KSR1: variants seen among roughly 807,000 people sequenced by gnomAD.
KSR1 encodes kinase suppressor of ras.
KSR1 carries 35 observed loss-of-function variants against 92.9 expected under a neutral mutation model. The ratio of observed to expected loss-of-function variants is 0.38; its 90% CI spans 0.29 to 0.50. The LOEUF (loss-of-function observed/expected upper bound fraction) is 0.50, where lower values mean the gene tolerates loss of function less well. Ranked by LOEUF, KSR1 falls within the 20% of genes least tolerant of loss-of-function variation. KSR1 has a pLI of 0.94. For synonymous variants in KSR1, 467 were observed against 472.6 expected (o/e 0.99, Z 0.15); for missense variants, 972 against 1,158.5 (o/e 0.84, Z 2.34).
At chr17:27,532,356 C>T (rs1446945508) in intron 1 of KSR1, among the ~76,000 whole-genome samples, 3 of 152,152 alleles carry the variant, frequency 2.0e-5, no homozygotes, top group Non-Finnish European at 2.9e-5. Flanking sequence ...GGGAACAGGC[C>T]GTGGGAGAAC....
At chr17:27,500,069 T>C (rs2150978710) in intron 1 of KSR1, among the ~76,000 whole-genome samples, 1 of 152,326 alleles carries the variant, frequency 6.6e-6, no homozygotes. Context: ...CGTTCTGCGT[T>C]ATGGCATCAC....
Position 27,577,587 on chromosome 17 carries a change from G to A in KSR1, c.468G>A (p.Glu156=). Residue 156 remains glutamate (E), a synonymous_variant, in exon 3 of 21, where the codon GAG becomes GAA. Transcript: ENST00000644974. The surrounding 1 kb of genome is among the most constrained non-coding windows in gnomAD (Gnocchi z 4.5). The part of the protein sequence containing the change: ...TLRRCGASGD[E]CGRLQYALTC... ...GGCGCTGTGGGGCCAGCGGGGATGA[G>A]TGTGGCCGTCTGCAGTATGCCCTCA... 1 of 1,602,438 alleles carries A rather than the reference G, an allele frequency of 6.2e-7. No homozygotes were observed. The highest frequency in any genetic ancestry group is 8.5e-7 in the Non-Finnish European group (1 of 1,177,898).
At chr17:27,591,178 C>G (rs1416670716) in intron 7 of KSR1, among the ~76,000 whole-genome samples, 4 of 152,180 alleles carry the variant, frequency 2.6e-5, no homozygotes, top group South Asian at 2.1e-4. Context: ...GTTCTGGGAC[C>G]TGTAAGGAGT....
chr17:27,597,805 A>G (rs1284851485), intron 10 of KSR1, among the ~76,000 whole-genome samples: 2 of 152,164 alleles, frequency 1.3e-5, no homozygotes, highest in Non-Finnish European at 2.9e-5. Flanking sequence ...CCCAGGAGGC[A>G]TGGCCAGCAA....
intron 1 of KSR1, among the ~76,000 whole-genome samples, chr17:27,476,771 T>A (rs2068360469): frequency 6.7e-6 from 1 of 148,998 alleles, no homozygotes; most frequent in Admixed American, 6.9e-5. Context: ...GTCTATGTTC[T>A]GGGCTCTCAG....
chr17:27,623,478 A>G lies in KSR1; in HGVS notation c.*86A>G. On this transcript the variant is annotated 3_prime_UTR_variant, in exon 21 of 21. Transcript: ENST00000644974. ...CCAACAACCACCACGACAAAAAAACACTGCCTGCCCAGCGCTGCAAACCAG... is the reference window on the plus strand; with the variant it reads ...CCAACAACCACCACGACAAAAAAACGCTGCCTGCCCAGCGCTGCAAACCAG... 1 of 704,962 alleles carries G rather than the reference A, an allele frequency of 1.4e-6. No homozygotes were observed. The highest frequency in any genetic ancestry group is 2.6e-6 in the Non-Finnish European group (1 of 386,246). 43.7% of individuals were successfully genotyped at this position (704,962 alleles called of 1,614,324 possible).
chr17:27,544,217 G>C (rs138865558), intron 1 of KSR1, among the ~76,000 whole-genome samples: 177 of 152,316 alleles, frequency 1.2e-3, no homozygotes, highest in African/African-American at 3.2e-3. Flanking sequence ...GTGGTGTCAA[G>C]GGACTTTAGG....
chr17:27,516,890 A>T (rs1327423774), intron 1 of KSR1, among the ~76,000 whole-genome samples: 1 of 152,210 alleles, frequency 6.6e-6, no homozygotes, highest in Non-Finnish European at 1.5e-5. Flanking sequence ...TAAAACAGAG[A>T]TCTTAATACA....
chr17:27,592,704 T>G, intron 9 of KSR1, 78 bp downstream of exon 9: 1 of 1,229,522 alleles, frequency 8.1e-7, no homozygotes, highest in Non-Finnish European at 1.1e-6. Flanking sequence ...CCTCAGAGGC[T>G]CAGTGGGGAA....
intron 18 of KSR1, 37 bp downstream of exon 18, chr17:27,611,666 G>T (rs2073921081): frequency 3.1e-6 from 5 of 1,612,228 alleles, no homozygotes; most frequent in Non-Finnish European, 4.2e-6. Flanking sequence ...CAGTAGGGCT[G>T]GAGGTGGGGT....
At chr17:27,564,757 C>G (rs1049659288) in intron 2 of KSR1, among the ~76,000 whole-genome samples, 1 of 145,812 alleles carries the variant, frequency 6.9e-6, no homozygotes, top group African/African-American at 2.6e-5. Context: ...CCACCTCCCC[C>G]ACCCACAGTA....
intron 2 of KSR1, among the ~76,000 whole-genome samples, chr17:27,573,673 C>G (rs187301362): frequency 3.9e-4 from 60 of 152,260 alleles, no homozygotes; most frequent in African/African-American, 1.4e-3. Context: ...TGCTGTATCC[C>G]AAGGCTTTGC....
intron 1 of KSR1, among the ~76,000 whole-genome samples, chr17:27,524,013 A>G (rs895218483): frequency 3.3e-5 from 5 of 152,122 alleles, no homozygotes; most frequent in Admixed American, 2.6e-4. Flanking sequence ...ATGATGAAAG[A>G]TGAGATAGTG....
rs146136082 is a variant in KSR1 at position 27,585,651 on chromosome 17, C to T, written c.981-6C>T. Reference sequence around the variant, plus strand: ...AATCCCCCTCTCTGCTTTTTGTCTCCTCCAGGTTTGGTAAGAGAGATTCAT... The same window carrying T: ...AATCCCCCTCTCTGCTTTTTGTCTCTTCCAGGTTTGGTAAGAGAGATTCAT... On this transcript the variant is annotated splice_polypyrimidine_tract_variant and splice_region_variant and intron_variant, in intron 4 of 20. Transcript: ENST00000644974. 1.3e-5 allele frequency: 10 copies of T among 763,792 alleles called. No homozygotes were observed. The highest frequency in any genetic ancestry group is 2.0e-5 in the Non-Finnish European group (8 of 409,786). 47.3% of individuals were successfully genotyped at this position (763,792 alleles called of 1,614,324 possible). A position where few individuals can be genotyped will look rare whatever the true frequency, so the allele number is the denominator to read the frequency against.
intron 1 of KSR1, among the ~76,000 whole-genome samples, chr17:27,546,982 A>G (rs2071200907): frequency 6.6e-6 from 1 of 152,098 alleles, no homozygotes; most frequent in Admixed American, 6.5e-5. Context: ...ATGTCAGGGG[A>G]TCAGCCTCTG....
intron 18 of KSR1, chr17:27,613,107 A>C (rs1488308624): frequency 6.6e-6 from 1 of 152,360 alleles, no homozygotes; most frequent in East Asian, 1.9e-4. Flanking sequence ...AACAACACGA[A>C]CAGCAGGCTC....
chr17:27,582,802 G>A lies in KSR1; in HGVS notation c.677G>A (p.Arg226His). 9.9e-6 allele frequency: 16 copies of A among 1,613,500 alleles called. No homozygotes were observed. The highest frequency in any genetic ancestry group is 1.4e-5 in the Non-Finnish European group (16 of 1,179,714). The change falls in exon 4 of 21, where the codon CGC becomes CAC. Residue 226 changes from arginine (R) to histidine (H), a missense_variant. Physicochemically the swap from Arg to His is conservative, Grantham distance 29 (BLOSUM62 0). Coordinates refer to ENST00000644974, the MANE Select transcript of KSR1 (RefSeq NM_001394583.1). ...GRAGNSAQGP[R>H]SISVSALPAS... ...GCAGGCAACAGCGCCCAGGGCCCAC[G>A]CTCCATCTCCGTGTCAGCTCTGCCC...
Position 27,482,109 on chromosome 17 carries a change from A to T in KSR1, c.231+25235A>T, listed in dbSNP as rs144955695. Among the ~76,000 whole-genome samples the T allele has an allele frequency of 5.4e-4, 82 of 152,246 alleles. 1 individual carries two copies. In the East Asian group the frequency reaches 0.014, roughly 26 times the overall value. ...GTTGTTGGTGGTGCTGAGAAAGAAG[A>T]ACTATTATGATGTGGGGGTAAAGAA... On this transcript the variant is annotated intron_variant, in intron 1 of 20. Coordinates refer to ENST00000644974, the MANE Select transcript of KSR1 (RefSeq NM_001394583.1).
intron 2 of KSR1, among the ~76,000 whole-genome samples, chr17:27,573,187 T>C (rs2072377349): frequency 6.6e-6 from 1 of 152,252 alleles, no homozygotes; most frequent in Non-Finnish European, 1.5e-5. Flanking sequence ...ATTTGTTTTG[T>C]TTGCACAGAT....
Sources: gnomAD v4.1 joint callset for allele counts (sites outside exome capture counted in the v4.1 genomes callset) on GRCh38, gnomAD v4.1.1 for gene constraint, Gnocchi (gnomAD v3.1) non-coding constraint, MANE v1.5 for transcripts, NCBI Gene and HGNC (gene_info 2026-07-23, HGNC 2026-07-21) for gene names.